SPATA16: variants seen among roughly 807,000 people sequenced by gnomAD.
SPATA16 encodes spermatogenesis-associated protein 16.
A neutral mutation model predicts 63.3 loss-of-function variants in SPATA16; 36 were observed. That is an observed-to-expected ratio of 0.57 (90% CI 0.44 to 0.75). SPATA16 has a LOEUF of 0.75. SPATA16 is among the 30% of genes least tolerant of loss of function. SPATA16 has a pLI of 0.00. For missense variants in SPATA16, 646 were observed against 679.3 expected, an observed-to-expected ratio of 0.95 and a Z score of 0.54; for synonymous variants, 203 against 216.7, an observed-to-expected ratio of 0.94 and a Z score of 0.56.
intron 2 of SPATA16, among the ~76,000 whole-genome samples, chr3:173,077,429 T>G (rs1270495488): frequency 6.6e-6 from 1 of 152,200 alleles, no homozygotes; most frequent in Non-Finnish European, 1.5e-5. Context: ...AAGCATTATT[T>G]ATGGATTTAT....
chr3:173,045,008 G>A lies in SPATA16; in HGVS notation c.758+3941C>T, dbSNP rs149111804. Among the ~76,000 whole-genome samples, 117 of 152,180 alleles carry A rather than the reference G, an allele frequency of 7.7e-4. No homozygotes were observed. The East Asian group carries it at 0.02, about 26-fold the overall frequency. ...TACCCTAATACTCCAACATTTCCAA[G>A]CACTGCAGGTCACCTAAGTATTTCC... On this transcript the variant is annotated intron_variant, in intron 3 of 10. Transcript: ENST00000351008.
chr3:173,065,803 TGGG>T (rs1218742241), intron 2 of SPATA16, among the ~76,000 whole-genome samples: 5 of 152,186 alleles, frequency 3.3e-5, no homozygotes, highest in Admixed American at 3.3e-4. Context: ...AGATCAGCCC[TGGG>T]CCAGAGGGGA....
At chr3:172,995,756 AC>A (rs1375621079) in intron 4 of SPATA16, among the ~76,000 whole-genome samples, 10 of 152,204 alleles carry the variant, frequency 6.6e-5, no homozygotes, top group South Asian at 6.2e-4. Context: ...TTAAACAACA[AC>A]TTTTTTTTAC....
At chr3:173,041,805 C>T (rs1410288248) in intron 3 of SPATA16, among the ~76,000 whole-genome samples, 8 of 149,552 alleles carry the variant, frequency 5.3e-5, no homozygotes, top group Non-Finnish European at 7.4e-5. Context: ...GGGGCTGTTG[C>T]GGGATGGGGG....
chr3:172,983,894 A>T (rs1324888622), intron 4 of SPATA16, among the ~76,000 whole-genome samples: 1 of 152,178 alleles, frequency 6.6e-6, no homozygotes, highest in African/African-American at 2.4e-5. Context: ...TACAATTCTT[A>T]ACAGGCTGTT....
intron 2 of SPATA16, among the ~76,000 whole-genome samples, chr3:173,094,535 C>A (rs949679239): frequency 2.0e-5 from 3 of 152,092 alleles, no homozygotes; most frequent in South Asian, 4.1e-4. Flanking sequence ...AGAATCAGGG[C>A]AGGTCTAGTC....
intron 6 of SPATA16, among the ~76,000 whole-genome samples, chr3:172,937,941 G>A (rs941709166): frequency 1.3e-5 from 2 of 152,132 alleles, no homozygotes; most frequent in African/African-American, 4.8e-5. Flanking sequence ...AAATAAAAGT[G>A]ACTATAAGAT....
At chr3:172,940,935 A>T (rs1733133886) in intron 6 of SPATA16, among the ~76,000 whole-genome samples, 1 of 152,202 alleles carries the variant, frequency 6.6e-6, no homozygotes, top group South Asian at 2.1e-4. Context: ...GTGAGCCGAG[A>T]TCATGCCACA....
chr3:172,986,018 C>A (rs555327729), intron 4 of SPATA16, among the ~76,000 whole-genome samples: 15 of 152,144 alleles, frequency 9.9e-5, no homozygotes, highest in Non-Finnish European at 1.9e-4. Flanking sequence ...CTTACCTGGC[C>A]ACAACCTGCC....
intron 6 of SPATA16, among the ~76,000 whole-genome samples, chr3:172,952,092 A>G (rs928541735): frequency 6.6e-6 from 1 of 152,154 alleles, no homozygotes; most frequent in Non-Finnish European, 1.5e-5. Flanking sequence ...GGGTACAAAC[A>G]CATGTTTATG....
At chr3:173,088,302 C>T (rs1737135904) in intron 2 of SPATA16, among the ~76,000 whole-genome samples, 1 of 151,872 alleles carries the variant, frequency 6.6e-6, no homozygotes, top group Non-Finnish European at 1.5e-5. Context: ...CCAGGATGCT[C>T]TCTATCTCTT....
intron 4 of SPATA16, among the ~76,000 whole-genome samples, chr3:173,018,256 T>C (rs1735237132): frequency 6.6e-6 from 1 of 151,696 alleles, no homozygotes. Flanking sequence ...GGAATTCATG[T>C]AAACCTCACA....
At chr3:173,107,458 T>C (rs973467476) in intron 2 of SPATA16, among the ~76,000 whole-genome samples, 1 of 150,724 alleles carries the variant, frequency 6.6e-6, no homozygotes, top group Non-Finnish European at 1.5e-5. Context: ...TCTCTCTATT[T>C]TTTTTTTTTT....
At chr3:173,062,954 G>A (rs1360448985) in intron 2 of SPATA16, among the ~76,000 whole-genome samples, 2 of 152,218 alleles carry the variant, frequency 1.3e-5, no homozygotes, top group Non-Finnish European at 2.9e-5. Context: ...AGGAGGCAGA[G>A]CTCAGGCAGT....
intron 2 of SPATA16, among the ~76,000 whole-genome samples, chr3:173,066,933 G>T (rs1000703722): frequency 1.3e-5 from 2 of 151,806 alleles, no homozygotes; most frequent in African/African-American, 2.4e-5. Context: ...ACACAGGAAA[G>T]GAATTAAGAA....
At chr3:172,936,250 G>A (rs1732990299) in intron 6 of SPATA16, among the ~76,000 whole-genome samples, 1 of 152,164 alleles carries the variant, frequency 6.6e-6, no homozygotes, top group African/African-American at 2.4e-5. Flanking sequence ...CCTCCAGGGA[G>A]GAAATAGGGA....
chr3:173,024,302 A>AT, intron 3 of SPATA16, among the ~76,000 whole-genome samples: 1 of 151,700 alleles, frequency 6.6e-6, no homozygotes, highest in African/African-American at 2.4e-5. Context: ...CATAGGCTAA[A>AT]TTTTTTAGAA....
chr3:173,028,383 A>T (rs1735517619), intron 3 of SPATA16, among the ~76,000 whole-genome samples: 1 of 151,886 alleles, frequency 6.6e-6, no homozygotes, highest in South Asian at 2.1e-4. Flanking sequence ...GATTAATGCT[A>T]TGTAAGTATG....
At chr3:173,043,472 G>A (rs1269118631) in intron 3 of SPATA16, among the ~76,000 whole-genome samples, 4 of 151,548 alleles carry the variant, frequency 2.6e-5, no homozygotes, top group Non-Finnish European at 5.9e-5. Flanking sequence ...TTTTACATTG[G>A]CATGTGTAAT....
Sources: allele counts gnomAD v4.1 joint callset (sites outside exome capture counted in the v4.1 genomes callset), GRCh38; gene constraint gnomAD v4.1.1; transcripts MANE v1.5; gene names NCBI Gene and HGNC (gene_info 2026-07-23, HGNC 2026-07-21).